Variants in SETBP1 observed in about 807,000 individuals in gnomAD.
SETBP1 encodes SET-binding protein.
A neutral mutation model predicts 101.0 loss-of-function variants in SETBP1; 9 were observed. That is an observed-to-expected ratio of 0.09 (90% CI 0.05 to 0.16). The LOEUF (loss-of-function observed/expected upper bound fraction) is 0.16, where lower values mean the gene tolerates loss of function less well. Ranked by LOEUF, SETBP1 falls within the 10% of genes least tolerant of loss-of-function variation. The probability of loss-of-function intolerance (pLI) is 1.00; values close to 1 mark genes in which losing one functional copy is unlikely to be tolerated. For synonymous variants in SETBP1, 818 were observed against 788.5 expected (o/e 1.04, Z -0.63); for missense variants, 1,858 against 2,033.8 (o/e 0.91, Z 1.66).
intron 2 of SETBP1, among the ~76,000 whole-genome samples, chr18:44,801,373 G>GTGAGGGTTGAGTGAGGGT (rs2071604720): frequency 6.6e-6 from 1 of 152,206 alleles, no homozygotes; most frequent in Non-Finnish European, 1.5e-5. Context: ...TGTAGCTTGA[G>GTGAGGGTTGAGTGAGGGT]TGAGGGTTGA....
rs35744138 is a variant in SETBP1, at chr18:44,957,382, T to TA, written c.4000+4054dup. On this transcript the variant is annotated intron_variant, in intron 4 of 5. Coordinates refer to ENST00000649279, the MANE Select transcript of SETBP1 (RefSeq NM_015559.3). ...GCTGTTCAAGCTCCTATCAGATAAT[T>TA]AAAAAAAAAAAATGAGAAGAGTGAA... Among the ~76,000 whole-genome samples, 757 of 148,988 alleles carry TA rather than the reference T, an allele frequency of 5.1e-3. 3 individuals are homozygous for TA. Among genetic ancestry groups the TA allele is most frequent in the African/African-American group, 0.016 (636 of 40,754 alleles).
At chr18:44,930,270 A>G (rs2144985916) in intron 3 of SETBP1, among the ~76,000 whole-genome samples, 1 of 152,344 alleles carries the variant, frequency 6.6e-6, no homozygotes, top group East Asian at 1.9e-4. Flanking sequence ...CCAGCCTTGC[A>G]TCCCAGGGAT....
chr18:44,978,741 C>T (rs1327482704), intron 4 of SETBP1, among the ~76,000 whole-genome samples: 1 of 152,086 alleles, frequency 6.6e-6, no homozygotes, highest in Non-Finnish European at 1.5e-5. Flanking sequence ...TTTCCCAAGC[C>T]CTGTTCTGTT....
chr18:44,826,036 G>A (rs1042477400), intron 2 of SETBP1, among the ~76,000 whole-genome samples: 1 of 152,216 alleles, frequency 6.6e-6, no homozygotes, highest in African/African-American at 2.4e-5. Flanking sequence ...CTGGAATTTA[G>A]TAGGTTCTCA....
intron 2 of SETBP1, among the ~76,000 whole-genome samples, chr18:44,744,753 C>T (rs1259679015): frequency 6.8e-6 from 1 of 147,212 alleles, no homozygotes; most frequent in East Asian, 2.0e-4. Context: ...TCGCCTGCAT[C>T]GTCCAACCCT....
At chr18:45,018,210 T>A (rs1283300979) in intron 4 of SETBP1, among the ~76,000 whole-genome samples, 1 of 152,230 alleles carries the variant, frequency 6.6e-6, no homozygotes, top group African/African-American at 2.4e-5. Flanking sequence ...GGAAATGGAA[T>A]AATAAATAGC....
chr18:44,811,867 T>C (rs2071869318), intron 2 of SETBP1, among the ~76,000 whole-genome samples: 1 of 152,196 alleles, frequency 6.6e-6, no homozygotes, highest in Non-Finnish European at 1.5e-5. Flanking sequence ...TTGGTCTCAA[T>C]GCTGACACTG....
intron 2 of SETBP1, among the ~76,000 whole-genome samples, chr18:44,814,189 G>A (rs2071925037): frequency 6.6e-6 from 1 of 152,194 alleles, no homozygotes; most frequent in Non-Finnish European, 1.5e-5. Context: ...CTCATGAACA[G>A]AGAGTAGAAT....
Position 44,998,610 on chromosome 18 carries a change from G to A in SETBP1, c.4001-39875G>A, listed in dbSNP as rs1008357503. 2.6e-5 allele frequency among the ~76,000 whole-genome samples: 4 copies of A among 152,168 alleles called. 1 individual carries two copies. The highest frequency in any genetic ancestry group is 4.8e-5 in the African/African-American group (2 of 41,438). On this transcript the variant is annotated intron_variant, in intron 4 of 5. Coordinates refer to ENST00000649279, the MANE Select transcript of SETBP1 (RefSeq NM_015559.3). Reference sequence around the variant, plus strand: ...AGATCTGTAGATAGCGCTCTAGGCCGCAATTGGAAGATGCAGTAGAAATAT... The same window carrying A: ...AGATCTGTAGATAGCGCTCTAGGCCACAATTGGAAGATGCAGTAGAAATAT...
At chr18:44,994,122 A>G (rs2072440238) in intron 4 of SETBP1, among the ~76,000 whole-genome samples, 1 of 152,136 alleles carries the variant, frequency 6.6e-6, no homozygotes, top group South Asian at 2.1e-4. Flanking sequence ...TGGAATATTT[A>G]AAGAACTGCT....
chr18:44,913,713 T>C (rs1444266738), intron 3 of SETBP1, among the ~76,000 whole-genome samples: 1 of 152,196 alleles, frequency 6.6e-6, no homozygotes, highest in Admixed American at 6.5e-5. Context: ...GAGAAGTGTG[T>C]TCATCTCTGC....
At chr18:44,907,197 A>G (rs972612755) in intron 3 of SETBP1, among the ~76,000 whole-genome samples, 3 of 152,138 alleles carry the variant, frequency 2.0e-5, no homozygotes. Flanking sequence ...TGTTCTTTTT[A>G]TGGCTGAATA....
intron 3 of SETBP1, among the ~76,000 whole-genome samples, chr18:44,911,438 C>A (rs1232892908): frequency 6.6e-6 from 1 of 152,160 alleles, no homozygotes; most frequent in African/African-American, 2.4e-5. Flanking sequence ...AAATGATATT[C>A]TCCAATAAGA....
intron 4 of SETBP1, among the ~76,000 whole-genome samples, chr18:44,977,358 G>A (rs1330410694): frequency 6.6e-6 from 1 of 152,224 alleles, no homozygotes; most frequent in Non-Finnish European, 1.5e-5. Flanking sequence ...TCTAACTTTG[G>A]TTATAAACCC....
At chr18:44,942,295 G>C (rs1030409237) in intron 3 of SETBP1, among the ~76,000 whole-genome samples, 5 of 152,106 alleles carry the variant, frequency 3.3e-5, no homozygotes, top group African/African-American at 1.2e-4. Flanking sequence ...ATGACCTAAG[G>C]ACTCTATGTT....
chr18:44,866,091 T>C (rs897675100), intron 2 of SETBP1, among the ~76,000 whole-genome samples: 5 of 152,342 alleles, frequency 3.3e-5, no homozygotes, highest in African/African-American at 1.2e-4. Flanking sequence ...TCCCTGGTGA[T>C]GGATTTATTC....
intron 5 of SETBP1, among the ~76,000 whole-genome samples, chr18:45,049,017 G>A (rs1055107502): frequency 1.2e-4 from 17 of 139,700 alleles, no homozygotes; most frequent in African/African-American, 4.2e-4. Flanking sequence ...TAGAAGATTA[G>A]CCCCTGCCCC....
At chr18:44,700,416 C>G (rs1016908684) in intron 1 of SETBP1, among the ~76,000 whole-genome samples, 2 of 152,114 alleles carry the variant, frequency 1.3e-5, no homozygotes, top group African/African-American at 2.4e-5. Context: ...TTACAACTGT[C>G]TAGAAAGGCT....
intron 3 of SETBP1, among the ~76,000 whole-genome samples, chr18:44,913,586 T>G (rs955916127): frequency 6.6e-6 from 1 of 152,214 alleles, no homozygotes; most frequent in Non-Finnish European, 1.5e-5. Context: ...CAGAAGGAGA[T>G]GTCCTTGGAA....
Sources: gnomAD v4.1 joint callset for allele counts (sites outside exome capture counted in the v4.1 genomes callset) on GRCh38, gnomAD v4.1.1 for gene constraint, MANE v1.5 for transcripts, NCBI Gene and HGNC (gene_info 2026-07-23, HGNC 2026-07-21) for gene names.